Variants in GATAD1 observed in about 807,000 individuals in gnomAD.
GATAD1 encodes the protein GATA zinc finger domain containing 1, also known as GATA zinc finger domain-containing protein 1.
A neutral mutation model predicts 26.5 loss-of-function variants in GATAD1; 12 were observed. That is an observed-to-expected ratio of 0.45 (90% CI 0.29 to 0.73). GATAD1 has a LOEUF of 0.73. Ranked by LOEUF, GATAD1 falls within the 30% of genes least tolerant of loss-of-function variation. The pLI is 0.10. For synonymous variants in GATAD1, 129 were observed against 133.1 expected, an observed-to-expected ratio of 0.97 and a Z score of 0.21; for missense variants, 266 against 342.1, an observed-to-expected ratio of 0.78 and a Z score of 1.75.
chr7:92,456,270 C>T (rs1199748535), intron 4 of GATAD1, 102 bp from the exon 5 acceptor site: 9 of 630,174 alleles, frequency 1.4e-5, no homozygotes, highest in Non-Finnish European at 2.4e-5. Context: ...TGCCAGGTTG[C>T]TCCCAGAGTG....
rs1383022245 is a variant in GATAD1 at position 92,447,888 on chromosome 7, G to GGGCAGC, written c.163_168dup (p.Ser55_Gly56dup). The stretch of plus-strand genomic sequence containing the variant: ...GCTCGGGGGCGGCTGGAGGGACTGG[G>GGGCAGC]GGCAGCGGCGGCGGCGGCTTCGGCG... On this transcript the variant is annotated inframe_insertion, in exon 1 of 5. Coordinates refer to ENST00000287957, the MANE Select transcript of GATAD1 (RefSeq NM_021167.5). 4.7e-6 allele frequency: 6 copies of GGGCAGC among 1,275,734 alleles called. No homozygotes were observed. In the South Asian group the frequency reaches 9.5e-5, roughly 20 times the overall value. 79.0% of individuals were successfully genotyped at this position (1,275,734 alleles called of 1,614,324 possible). A position where few individuals can be genotyped will look rare whatever the true frequency, so the allele number is the denominator to read the frequency against.
rs111725669 is a variant in GATAD1 at position 92,455,110 on chromosome 7, CG to C, written c.619+433del. Among the ~76,000 whole-genome samples, 43 of 145,120 alleles carry C rather than the reference CG, an allele frequency of 3.0e-4. 1 individual carries two copies. In the South Asian group the frequency reaches 3.3e-3, roughly 11 times the overall value. ...TTCAACATATAAATTTGGAGGGTGG[CG>C]GGGGGGGATGCAATTCAGTCCATAA... On this transcript the variant is annotated intron_variant, in intron 4 of 4. Transcript: ENST00000287957.
chr7:92,456,573 A>G lies in GATAD1; in HGVS notation c.*11A>G, dbSNP rs1728870177. ...GCCAACCATTTGTAGTTCACAAATT[A>G]AAACTGGGTTTCCAGGCCTGGTGTG... On this transcript the variant is annotated 3_prime_UTR_variant, in exon 5 of 5. Transcript: ENST00000287957. 6.3e-7 allele frequency: 1 copy of G among 1,595,106 alleles called. No individual in the cohort carries two copies. Among genetic ancestry groups the G allele is most frequent in the Non-Finnish European group, 8.6e-7 (1 of 1,165,368 alleles).
At position 92,454,702 on chromosome 7, in the gene GATAD1, G is replaced by A. The variant is rs1333099637; in HGVS notation, c.619+17G>A. ...ATATCATAGGTAAGTTTGACAAATG[G>A]CACAGGTTTTTTTTTAACTTAGTTA... On this transcript the variant is annotated intron_variant, in intron 4 of 4. Coordinates refer to ENST00000287957, the MANE Select transcript of GATAD1 (RefSeq NM_021167.5). 4.5e-6 allele frequency: 7 copies of A among 1,548,910 alleles called. No individual in the cohort carries two copies. Among genetic ancestry groups the A allele is most frequent in the Non-Finnish European group, 6.1e-6 (7 of 1,145,822 alleles).
chr7:92,463,825 C>T (rs751553733), downstream of GATAD1, among the ~76,000 whole-genome samples: 39 of 151,930 alleles, frequency 2.6e-4, 1 homozygote, highest in South Asian at 2.5e-3. Context: ...AAAAATTAGT[C>T]GAGTGTGGTG....
At chr7:92,493,010 T>G in the GATAD1 span, 12 of 1,613,726 alleles carry the variant, frequency 7.4e-6, no homozygotes, top group Admixed American at 2.0e-4. Context: ...CATTGTAAAG[T>G]AAAGCTTTCA....
chr7:92,472,761 T>C, the GATAD1 span: 1 of 152,256 alleles, frequency 6.6e-6, no homozygotes. Flanking sequence ...CAGTATAGGC[T>C]GGATGTGTTC....
chr7:92,459,722 T>G lies in GATAD1; in HGVS notation c.*3160T>G, dbSNP rs928988959. On this transcript the variant is annotated 3_prime_UTR_variant, in exon 5 of 5. Transcript: ENST00000287957. ...ATTTAAGTTTCTACTTCCATCATCC[T>G]CACTCCTATCCCTTTGGTCCTGGGA... 2.0e-5 allele frequency among the ~76,000 whole-genome samples: 3 copies of G among 152,248 alleles called. No individual in the cohort carries two copies. The highest frequency in any genetic ancestry group is 7.2e-5 in the African/African-American group (3 of 41,470).
the GATAD1 span, chr7:92,471,897 TCTC>T: frequency 4.6e-5 from 7 of 152,210 alleles, no homozygotes; most frequent in Non-Finnish European, 8.8e-5. Flanking sequence ...CCTTTTTTCT[TCTC>T]CTAATTCTAG....
intron 3 of GATAD1, among the ~76,000 whole-genome samples, chr7:92,451,737 A>T (rs1248823454): frequency 1.3e-5 from 2 of 152,226 alleles, no homozygotes; most frequent in Non-Finnish European, 2.9e-5. Context: ...AGTTTAGCAA[A>T]CAGTTGCTGT....
chr7:92,489,383 C>T, the GATAD1 span: 1 of 1,612,722 alleles, frequency 6.2e-7, no homozygotes, highest in Non-Finnish European at 8.5e-7. Context: ...AATAGCCAGT[C>T]TGGTTTTGAT....
At chr7:92,450,889 C>G (rs1424300333) in intron 3 of GATAD1, 129 bp downstream of exon 3, 5 of 586,464 alleles carry the variant, frequency 8.5e-6, no homozygotes, top group Non-Finnish European at 1.5e-5. Flanking sequence ...TTTTTGTTCC[C>G]TTCTTAGCTG....
the GATAD1 span, chr7:92,494,437 C>T: frequency 6.2e-7 from 1 of 1,610,788 alleles, no homozygotes; most frequent in South Asian, 1.1e-5. Flanking sequence ...AATCTGATGA[C>T]ATGATGACAT....
the GATAD1 span, among the ~76,000 whole-genome samples, chr7:92,486,256 C>G: frequency 6.6e-6 from 1 of 152,248 alleles, no homozygotes; most frequent in East Asian, 1.9e-4. Context: ...CCTCTTCTAT[C>G]ACAGAGCAGG....
At chr7:92,469,072 G>A in the GATAD1 span, 14 of 704,214 alleles carry the variant, frequency 2.0e-5, no homozygotes, top group Non-Finnish European at 3.6e-5. Context: ...GAGGCCCCAG[G>A]GTCCAGTGTT....
At chr7:92,465,861 C>T in the GATAD1 span, among the ~76,000 whole-genome samples, 2 of 151,252 alleles carry the variant, frequency 1.3e-5, no homozygotes, top group Non-Finnish European at 2.9e-5. Flanking sequence ...ATTAGCCCGG[C>T]GTGGTGGCAC....
At chr7:92,485,123 A>G in the GATAD1 span, among the ~76,000 whole-genome samples, 1 of 152,192 alleles carries the variant, frequency 6.6e-6, no homozygotes, top group South Asian at 2.1e-4. Flanking sequence ...AAGATGGGGC[A>G]GGAACAAATC....
At chr7:92,491,537 G>C in the GATAD1 span, 1 of 1,282,024 alleles carries the variant, frequency 7.8e-7, no homozygotes, top group Non-Finnish European at 1.1e-6. Context: ...GTTTAAAGAT[G>C]TAAACAATTT....
At chr7:92,468,387 G>C in the GATAD1 span, 1 of 172,386 alleles carries the variant, frequency 5.8e-6, no homozygotes, top group Non-Finnish European at 1.2e-5. Flanking sequence ...GAGTGCAGTT[G>C]CAAGATTTAA....
Sources: allele counts gnomAD v4.1 joint callset (sites outside exome capture counted in the v4.1 genomes callset), GRCh38; gene constraint gnomAD v4.1.1; transcripts MANE v1.5; gene names NCBI Gene and HGNC (gene_info 2026-07-23, HGNC 2026-07-21).